NTM: variants seen among roughly 807,000 people sequenced by gnomAD.
NTM encodes the protein neurotrimin.
In NTM, 13 loss-of-function variants were observed where a neutral mutation model predicts 42.1. The ratio of observed to expected loss-of-function variants is 0.31; its 90% CI spans 0.20 to 0.49. The LOEUF (loss-of-function observed/expected upper bound fraction) is 0.49, where lower values mean the gene tolerates loss of function less well. Among genes scored for constraint, NTM ranks in the 20% least tolerant of loss-of-function variants. NTM has a pLI of 0.99. For synonymous variants in NTM, 187 were observed against 179.2 expected, an observed-to-expected ratio of 1.04 and a Z score of -0.35; for missense variants, 373 against 452.8, an observed-to-expected ratio of 0.82 and a Z score of 1.60.
At chr11:132,127,347 G>A (rs1389061398) in intron 2 of NTM, among the ~76,000 whole-genome samples, 1 of 152,194 alleles carries the variant, frequency 6.6e-6, no homozygotes, top group Non-Finnish European at 1.5e-5. Context: ...TACATAAGTG[G>A]CAATAAATAC....
At chr11:131,656,649 G>A (rs943155406) in intron 1 of NTM, among the ~76,000 whole-genome samples, 1 of 152,190 alleles carries the variant, frequency 6.6e-6, no homozygotes, top group African/African-American at 2.4e-5. Flanking sequence ...TTTGGACAAA[G>A]GAGGAGGGCG....
intron 2 of NTM, among the ~76,000 whole-genome samples, chr11:132,071,890 C>T (rs183401732): frequency 5.7e-4 from 87 of 152,186 alleles, no homozygotes; most frequent in South Asian, 1.5e-3. Flanking sequence ...GAGTCCTTGA[C>T]GGTGGATCTA....
At chr11:132,186,768 C>T (rs1196756760) in intron 3 of NTM, among the ~76,000 whole-genome samples, 1 of 152,070 alleles carries the variant, frequency 6.6e-6, no homozygotes, top group Non-Finnish European at 1.5e-5. Context: ...GCAAATGAAC[C>T]CTAAGACATC....
At chr11:132,298,524 C>T (rs1011636281) in intron 4 of NTM, among the ~76,000 whole-genome samples, 5 of 152,252 alleles carry the variant, frequency 3.3e-5, no homozygotes, top group Admixed American at 1.3e-4. Flanking sequence ...AACTCCAGGG[C>T]CAGCCCAGCT....
rs1052333660 is a variant in NTM, at chr11:132,160,821, C to A, written c.400+14307C>A. On this transcript the variant is annotated intron_variant, in intron 3 of 8. Coordinates refer to ENST00000683400, the MANE Select transcript of NTM (RefSeq NM_001352005.2). ...AAAATGACAAGTGCAGGATGGGGCA[C>A]CGCTGAGGGCAGGGTCCCTGTAGAG... is the stretch of plus-strand genomic sequence containing the variant. 5.9e-5 allele frequency among the ~76,000 whole-genome samples: 9 copies of A among 152,224 alleles called. No homozygotes were observed. The East Asian group carries it at 1.4e-3, about 23-fold the overall frequency.
intron 2 of NTM, among the ~76,000 whole-genome samples, chr11:132,009,197 A>G (rs2071517377): frequency 6.6e-6 from 1 of 152,156 alleles, no homozygotes; most frequent in Non-Finnish European, 1.5e-5. Context: ...TTAAACACAC[A>G]GTGTGCTCCC....
At chr11:131,642,924 C>T (rs2658870) in intron 1 of NTM, among the ~76,000 whole-genome samples, 1 of 152,126 alleles carries the variant, frequency 6.6e-6, no homozygotes. Flanking sequence ...AATATAGGCT[C>T]TTCAGCATAA....
At chr11:131,967,617 C>T (rs1302043129) in intron 2 of NTM, among the ~76,000 whole-genome samples, 2 of 152,154 alleles carry the variant, frequency 1.3e-5, no homozygotes, top group African/African-American at 2.4e-5. Flanking sequence ...ACCAACTTCC[C>T]TTTCACTCAG....
intron 1 of NTM, among the ~76,000 whole-genome samples, chr11:131,728,125 A>G (rs2135456783): frequency 6.6e-6 from 1 of 151,694 alleles, no homozygotes; most frequent in South Asian, 2.1e-4. Context: ...CCAACAAGCA[A>G]GCAACCAATT....
intron 1 of NTM, among the ~76,000 whole-genome samples, chr11:131,640,379 T>C (rs2064984893): frequency 1.3e-5 from 2 of 152,192 alleles, no homozygotes; most frequent in Admixed American, 6.5e-5. Context: ...GACGCAGCCT[T>C]TGTTCGTTCT....
At chr11:131,562,513 A>G (rs1279539543) in intron 1 of NTM, among the ~76,000 whole-genome samples, 1 of 152,018 alleles carries the variant, frequency 6.6e-6, no homozygotes, top group East Asian at 1.9e-4. Flanking sequence ...TCTCCTGCAA[A>G]CAGCCTTCCC....
chr11:131,594,299 C>G (rs1021902079), intron 1 of NTM, among the ~76,000 whole-genome samples: 7 of 152,170 alleles, frequency 4.6e-5, no homozygotes, highest in African/African-American at 1.4e-4. Context: ...GAACTGAGTG[C>G]TTGCATTAGT....
At chr11:131,809,037 G>A (rs2092631322) in intron 1 of NTM, among the ~76,000 whole-genome samples, 1 of 152,208 alleles carries the variant, frequency 6.6e-6, no homozygotes, top group Non-Finnish European at 1.5e-5. Flanking sequence ...GGAATAAGTG[G>A]ATGCATGTGC....
chr11:131,407,280 T>C (rs1414610167), intron 1 of NTM, among the ~76,000 whole-genome samples: 9 of 152,216 alleles, frequency 5.9e-5, no homozygotes, highest in Non-Finnish European at 8.8e-5. Flanking sequence ...AGTTTTCACC[T>C]AAGCAGATCT....
At chr11:132,197,512 TTTA>T (rs2080444807) in intron 3 of NTM, among the ~76,000 whole-genome samples, 1 of 152,114 alleles carries the variant, frequency 6.6e-6, no homozygotes, top group Non-Finnish European at 1.5e-5. Flanking sequence ...TTTTAATTTT[TTTA>T]TTATTTAAGT....
intron 1 of NTM, among the ~76,000 whole-genome samples, chr11:131,789,628 GAAGAAGAAA>G (rs2090447613): frequency 3.5e-5 from 3 of 85,124 alleles, no homozygotes; most frequent in South Asian, 3.2e-4. Context: ...AGAAGAAGAA[GAAGAAGAAA>G]AGAAGAAGAA....
At chr11:132,179,725 G>A (rs758299537) in intron 3 of NTM, among the ~76,000 whole-genome samples, 13 of 152,134 alleles carry the variant, frequency 8.5e-5, no homozygotes, top group Non-Finnish European at 1.3e-4. Flanking sequence ...TAGATAATTA[G>A]CCTTGATGAT....
chr11:131,800,444 G>A (rs966595782), intron 1 of NTM, among the ~76,000 whole-genome samples: 1 of 152,332 alleles, frequency 6.6e-6, no homozygotes, highest in East Asian at 1.9e-4. Context: ...AGAACCACAG[G>A]TGTCTCCAAA....
chr11:131,943,398 A>G (rs764134076), intron 2 of NTM, among the ~76,000 whole-genome samples: 15 of 152,364 alleles, frequency 9.8e-5, no homozygotes, highest in Admixed American at 3.9e-4. Flanking sequence ...TGCAGCACCC[A>G]GTTGGGAGGG....
Sources: allele counts gnomAD v4.1 joint callset (sites outside exome capture counted in the v4.1 genomes callset), GRCh38; gene constraint gnomAD v4.1.1; transcripts MANE v1.5; gene names NCBI Gene and HGNC (gene_info 2026-07-23, HGNC 2026-07-21).